The following GRIK1 variants were observed in gnomAD, a reference collection of about 807,000 sequenced individuals.
The protein encoded by GRIK1 is glutamate ionotropic receptor kainate type subunit 1, also known as glutamate receptor ionotropic, kainate 1.
GRIK1 carries 69 observed loss-of-function variants against 105.7 expected under a neutral mutation model. The ratio of observed to expected loss-of-function variants is 0.65; its 90% CI spans 0.54 to 0.80. The LOEUF (loss-of-function observed/expected upper bound fraction) is 0.80. Ranked by LOEUF, GRIK1 falls within the 30% of genes least tolerant of loss-of-function variation. GRIK1 has a pLI of 0.00. For synonymous variants in GRIK1, 438 were observed against 431.3 expected (o/e 1.02, Z -0.19); for missense variants, 1,109 against 1,167.3 (o/e 0.95, Z 0.73).
intron 1 of GRIK1, among the ~76,000 whole-genome samples, chr21:29,762,057 C>A (rs2065540300): frequency 6.6e-6 from 1 of 152,232 alleles, no homozygotes; most frequent in South Asian, 2.1e-4. Context: ...AGAAACGTTT[C>A]TATCGCACAA....
rs759741927 is a variant in GRIK1 at position 29,537,889 on chromosome 21, T to TA, written c.2608-6dup. On this transcript the variant is annotated splice_polypyrimidine_tract_variant and splice_region_variant and intron_variant, in intron 16 of 17. Coordinates refer to ENST00000327783, the MANE Select transcript of GRIK1 (RefSeq NM_001330994.2). Reference sequence around the variant, plus strand: ...AATTCTTGATGACTTTCCTTTCTGATAAAAAAAAAAGAAAAAAAAACAATT... The same window carrying TA: ...AATTCTTGATGACTTTCCTTTCTGATAAAAAAAAAAAGAAAAAAAAACAATT... 6.2e-3 allele frequency: 6,228 copies of TA among 1,008,776 alleles called. 7 individuals carry two copies. The highest frequency in any genetic ancestry group is 0.019 in the African/African-American group (1,056 of 56,830). 62.5% of individuals were successfully genotyped at this position (1,008,776 alleles called of 1,614,324 possible).
chr21:29,813,212 C>G (rs1391501163), intron 1 of GRIK1, among the ~76,000 whole-genome samples: 1 of 152,108 alleles, frequency 6.6e-6, no homozygotes, highest in Non-Finnish European at 1.5e-5. Flanking sequence ...ATCTCACAAA[C>G]CTGAAGCATT....
intron 16 of GRIK1, among the ~76,000 whole-genome samples, chr21:29,548,518 T>C (rs893476792): frequency 6.6e-6 from 1 of 152,032 alleles, no homozygotes; most frequent in Non-Finnish European, 1.5e-5. Context: ...CAAGAGTTAA[T>C]TAATAATACC....
At chr21:29,678,840 G>A (rs1048955655) in intron 3 of GRIK1, among the ~76,000 whole-genome samples, 7 of 152,152 alleles carry the variant, frequency 4.6e-5, no homozygotes, top group Non-Finnish European at 1.5e-5. Flanking sequence ...CACTGACTGT[G>A]TATAGCACAT....
At chr21:29,589,264 G>T (rs576216695) in intron 10 of GRIK1, among the ~76,000 whole-genome samples, 2 of 151,956 alleles carry the variant, frequency 1.3e-5, no homozygotes, top group African/African-American at 2.4e-5. Context: ...TTTTCCTTCC[G>T]CTGTGGAGGG....
intron 1 of GRIK1, among the ~76,000 whole-genome samples, chr21:29,809,142 T>C (rs534406288): frequency 6.6e-6 from 1 of 152,286 alleles, no homozygotes; most frequent in South Asian, 2.1e-4. Context: ...ATGAAAAGCA[T>C]TGTAATTTTA....
chr21:29,632,432 A>G (rs2062298848), intron 7 of GRIK1, among the ~76,000 whole-genome samples: 1 of 152,168 alleles, frequency 6.6e-6, no homozygotes, highest in Admixed American at 6.5e-5. Flanking sequence ...TGGATAAATA[A>G]TATGTACCAA....
chr21:29,808,679 G>A (rs923894920), intron 1 of GRIK1, among the ~76,000 whole-genome samples: 1 of 152,082 alleles, frequency 6.6e-6, no homozygotes, highest in African/African-American at 2.4e-5. Context: ...AGCACTAAAG[G>A]GAATTGTGTG....
intron 1 of GRIK1, among the ~76,000 whole-genome samples, chr21:29,898,850 T>C (rs1055421238): frequency 1.3e-5 from 2 of 152,134 alleles, no homozygotes; most frequent in Non-Finnish European, 2.9e-5. Flanking sequence ...AACATAATAG[T>C]TGGCAATGAG....
chr21:29,573,992 A>G (rs2090822964), intron 14 of GRIK1, among the ~76,000 whole-genome samples: 3 of 152,194 alleles, frequency 2.0e-5, no homozygotes, highest in African/African-American at 7.2e-5. Context: ...AAAGTTCCAC[A>G]CTTGACCTCA....
intron 16 of GRIK1, among the ~76,000 whole-genome samples, chr21:29,548,652 G>A (rs2090083311): frequency 6.6e-6 from 1 of 152,222 alleles, no homozygotes; most frequent in Non-Finnish European, 1.5e-5. Context: ...TGTGGTATAA[G>A]GGTCATGTGC....
intron 1 of GRIK1, among the ~76,000 whole-genome samples, chr21:29,805,713 G>A (rs989720819): frequency 6.6e-6 from 1 of 152,080 alleles, no homozygotes; most frequent in Non-Finnish European, 1.5e-5. Flanking sequence ...CTCCCCACCT[G>A]ACACCTATAG....
At position 29,537,830 on chromosome 21, in the gene GRIK1, C is replaced by A. The variant is rs2089905243; in HGVS notation, c.2662G>T (p.Gly888Trp). The change falls in exon 17 of 18, where the codon GGG becomes TGG. Residue 888 changes from glycine to tryptophan, a missense_variant. Physicochemically the swap from Gly to Trp is radical, Grantham distance 184. Around this residue, in one of 5 missense-constraint regions of GRIK1, gnomAD observed 161 missense variants for 143.4 expected, o/e 1.12. Coordinates refer to ENST00000327783, the MANE Select transcript of GRIK1 (RefSeq NM_001330994.2). ...ACACCAAGGCTTTGTTTTTTTCTCC[C>A]ATGAAACCTTACTTTGTTCCTAAAA... Reference protein sequence around the residue: ...FYFRNKVRFHGRKKQSLGVEK... With the variant: ...FYFRNKVRFHWRKKQSLGVEK... The A allele has an allele frequency of 2.6e-6, 4 of 1,530,356 alleles. No homozygotes were observed. Among genetic ancestry groups the A allele is most frequent in the Non-Finnish European group, 3.6e-6 (4 of 1,106,026 alleles). The allele number at this position is 1,530,356 out of a possible 1,614,324, so 94.8% of individuals were successfully genotyped here.
chr21:29,779,818 C>T (rs566095110), intron 1 of GRIK1, among the ~76,000 whole-genome samples: 1 of 152,226 alleles, frequency 6.6e-6, no homozygotes, highest in Admixed American at 6.5e-5. Flanking sequence ...CATGGAACAA[C>T]TTTTGCTGGA....
At position 29,537,105 on chromosome 21, in the gene GRIK1, T is replaced by A. The variant is rs1253976770; in HGVS notation, c.*125A>T. 7 of 512,230 alleles carry A rather than the reference T, an allele frequency of 1.4e-5. No homozygotes were observed. The highest frequency in any genetic ancestry group is 2.3e-5 in the Non-Finnish European group (7 of 305,912). The allele number at this position is 512,230 out of a possible 1,614,324, so 31.7% of individuals were successfully genotyped here. A position where few individuals can be genotyped will look rare whatever the true frequency, so the allele number is the denominator to read the frequency against. ...TTTTTAAACTTTTGTATTTCTTATA[T>A]CTGTATTCATAATCAGAGTTATGGA... On this transcript the variant is annotated 3_prime_UTR_variant, in exon 18 of 18. Coordinates refer to ENST00000327783, the MANE Select transcript of GRIK1 (RefSeq NM_001330994.2).
rs527993039 is a variant in GRIK1, at chr21:29,670,013, C to A, written c.726+2970G>T. 4.7e-3 allele frequency among the ~76,000 whole-genome samples: 717 copies of A among 152,300 alleles called. 4 individuals carry two copies. Among genetic ancestry groups the A allele is most frequent in the South Asian group, 8.3e-3 (40 of 4,818 alleles). The stretch of plus-strand genomic sequence containing the variant: ...CTCCAATATCCCGTTTCAAGCACAG[C>A]AGCCTCTGGAGGTTCCAATGAAGCC... On this transcript the variant is annotated intron_variant, in intron 4 of 17. Transcript: ENST00000327783.
At chr21:29,678,945 T>A (rs1011261658) in intron 3 of GRIK1, among the ~76,000 whole-genome samples, 2 of 152,196 alleles carry the variant, frequency 1.3e-5, no homozygotes, top group African/African-American at 4.8e-5. Flanking sequence ...TAGAAGAGTA[T>A]ATTATTTCTG....
intron 16 of GRIK1, among the ~76,000 whole-genome samples, chr21:29,546,668 C>G (rs1210876957): frequency 1.3e-5 from 2 of 152,226 alleles, no homozygotes; most frequent in Admixed American, 1.3e-4. Context: ...GTTTCTCCAA[C>G]CTTAGCCTTT....
chr21:29,914,317 G>A (rs1425603081), intron 1 of GRIK1, among the ~76,000 whole-genome samples: 1 of 152,060 alleles, frequency 6.6e-6, no homozygotes, highest in African/African-American at 2.4e-5. Flanking sequence ...GGAACACTAT[G>A]TGACCAGTGC....
Sources: allele counts gnomAD v4.1 joint callset (sites outside exome capture counted in the v4.1 genomes callset), GRCh38; gene constraint gnomAD v4.1.1; regional missense constraint gnomAD v4.1.1; transcripts MANE v1.5; gene names NCBI Gene and HGNC (gene_info 2026-07-23, HGNC 2026-07-21).